The following STPG2 variants were observed in gnomAD, a reference collection of about 807,000 sequenced individuals.
STPG2 encodes the protein sperm-tail PG-rich repeat-containing protein 2.
STPG2 carries 56 observed loss-of-function variants against 54.2 expected under a neutral mutation model. The observed-to-expected ratio is 1.03, with a 90% CI of 0.83 to 1.29. STPG2 has a LOEUF of 1.29. Ranked by LOEUF, STPG2 falls within the 50% of genes most tolerant of loss-of-function variation. STPG2 has a pLI of 0.00. For synonymous variants in STPG2, 200 were observed against 181.8 expected, an observed-to-expected ratio of 1.10 and a Z score of -0.81; for missense variants, 596 against 544.9, an observed-to-expected ratio of 1.09 and a Z score of -0.93.
intron 9 of STPG2, among the ~76,000 whole-genome samples, chr4:97,787,046 G>A (rs1004040183): frequency 1.3e-5 from 2 of 152,006 alleles, no homozygotes; most frequent in East Asian, 1.9e-4. Context: ...ACTGTATTCC[G>A]ATGTTTTATT....
rs370133396 is a variant in STPG2, at chr4:97,445,664, C to A, written c.463-257831G>T. 1.4e-4 allele frequency among the ~76,000 whole-genome samples: 21 copies of A among 152,290 alleles called. 1 individual carries two copies. In the South Asian group the frequency reaches 2.3e-3, roughly 17 times the overall value. On this transcript the variant is annotated intron_variant, in intron 4 of 4. Transcript: ENST00000522676. ...CCAAGTGCCAAATAGTCACATGTGG[C>A]TAGTGGCTACCATCATGGACAGCAA...
chr4:97,725,162 T>G (rs140813216), intron 9 of STPG2, among the ~76,000 whole-genome samples: 119 of 152,180 alleles, frequency 7.8e-4, no homozygotes, highest in African/African-American at 2.7e-3. Context: ...GTTCTACTTA[T>G]TCATCCTAAA....
chr4:98,115,518 A>G (rs529758363), intron 3 of STPG2, among the ~76,000 whole-genome samples: 7 of 152,120 alleles, frequency 4.6e-5, no homozygotes, highest in Non-Finnish European at 8.8e-5. Flanking sequence ...AGAGTCTTAC[A>G]CAACTCTTAA....
intron 7 of STPG2, among the ~76,000 whole-genome samples, chr4:97,951,914 G>A (rs1290022991): frequency 6.6e-6 from 1 of 152,092 alleles, no homozygotes; most frequent in Non-Finnish European, 1.5e-5. Context: ...GACAGAGCTG[G>A]CTGGAGGTTG....
rs551703112 is a variant in STPG2, at chr4:97,456,011, A to C, written c.462+256688T>G. ...AATATTTTACATACAACAATATCAA[A>C]GGCATAGTCCATGAAAAAACAAACT... On this transcript the variant is annotated intron_variant, in intron 4 of 4. Coordinates refer to the STPG2 transcript ENST00000522676. 5.3e-5 allele frequency among the ~76,000 whole-genome samples: 8 copies of C among 152,348 alleles called. No individual in the cohort carries two copies. In the South Asian group the frequency reaches 1.7e-3, roughly 32 times the overall value.
intron 10 of STPG2, among the ~76,000 whole-genome samples, chr4:97,661,359 G>T (rs1364844340): frequency 6.6e-6 from 1 of 152,100 alleles, no homozygotes; most frequent in Non-Finnish European, 1.5e-5. Context: ...ATAAAATGAG[G>T]ATCCCAGTAT....
At chr4:98,023,439 C>T (rs1232461630) in intron 5 of STPG2, among the ~76,000 whole-genome samples, 2 of 152,212 alleles carry the variant, frequency 1.3e-5, no homozygotes, top group African/African-American at 4.8e-5. Flanking sequence ...TGTCAATCTG[C>T]CCCTACTGGG....
In STPG2 at chr4:97,542,506, T is replaced by G. The variant is rs374779048; in HGVS notation, c.462+170193A>C. Among the ~76,000 whole-genome samples the G allele has an allele frequency of 2.0e-5, 3 of 152,308 alleles. No homozygotes were observed. In the East Asian group the frequency reaches 5.8e-4, roughly 29 times the overall value. ...AGAGGATGTGGAGAAATAGGAACAC[T>G]TTTACACTGTTGGTGGGACTGTAAA... On this transcript the variant is annotated intron_variant, in intron 4 of 4. Transcript: ENST00000522676.
At chr4:97,729,063 T>TCTCTCTCTCTCTCTCTCTCTC (rs1724710920) in intron 9 of STPG2, among the ~76,000 whole-genome samples, 3 of 124,926 alleles carry the variant, frequency 2.4e-5, no homozygotes, top group Non-Finnish European at 1.7e-5. Flanking sequence ...CCCCAAGAAT[T>TCTCTCTCTCTCTCTCTCTCTC]TCTCTCTCTC....
intron 5 of STPG2, among the ~76,000 whole-genome samples, chr4:97,987,643 T>C (rs958677967): frequency 6.6e-6 from 1 of 152,276 alleles, no homozygotes. Context: ...GCTTCATACA[T>C]ACCTAAACTA....
chr4:97,960,820 T>A (rs1578734269), intron 7 of STPG2, among the ~76,000 whole-genome samples: 1 of 151,930 alleles, frequency 6.6e-6, no homozygotes, highest in Non-Finnish European at 1.5e-5. Flanking sequence ...AATACCATCA[T>A]CACCCTCACA....
At chr4:97,623,599 G>T (rs528520179) in intron 10 of STPG2, among the ~76,000 whole-genome samples, 7 of 151,980 alleles carry the variant, frequency 4.6e-5, no homozygotes, top group Admixed American at 4.6e-4. Context: ...AATAACCAGC[G>T]CTGGAGAGGT....
chr4:97,510,197 TATG>T (rs1730942954), intron 4 of STPG2, among the ~76,000 whole-genome samples: 1 of 152,122 alleles, frequency 6.6e-6, no homozygotes, highest in African/African-American at 2.4e-5. Context: ...ACTCCTTTGA[TATG>T]ATATGAAGAA....
chr4:97,607,970 G>A (rs539200314), intron 10 of STPG2, among the ~76,000 whole-genome samples: 6 of 151,960 alleles, frequency 3.9e-5, no homozygotes, highest in African/African-American at 9.7e-5. Context: ...TTCAATACAC[G>A]TGGGAACTAT....
At chr4:97,487,193 C>T (rs1273883645) in intron 4 of STPG2, among the ~76,000 whole-genome samples, 1 of 150,012 alleles carries the variant, frequency 6.7e-6, no homozygotes, top group Middle Eastern at 3.4e-3. Context: ...ACCCCAATAA[C>T]CTATGGAAAA....
chr4:98,082,656 G>T (rs576352576), intron 5 of STPG2, among the ~76,000 whole-genome samples: 1 of 151,484 alleles, frequency 6.6e-6, no homozygotes, highest in Admixed American at 6.6e-5. Flanking sequence ...GTTTCGCCAC[G>T]TTGGCCTGGA....
chr4:98,054,308 G>A (rs1737417530), intron 5 of STPG2, among the ~76,000 whole-genome samples: 1 of 152,046 alleles, frequency 6.6e-6, no homozygotes, highest in Admixed American at 6.6e-5. Flanking sequence ...GTTTAATTTT[G>A]CAATTTACAT....
chr4:97,649,145 C>A (rs1273616437), intron 10 of STPG2, among the ~76,000 whole-genome samples: 1 of 152,110 alleles, frequency 6.6e-6, no homozygotes, highest in African/African-American at 2.4e-5. Flanking sequence ...TGCTGATCTG[C>A]CAGGCATCCC....
intron 5 of STPG2, chr4:98,025,868 A>G: frequency 6.3e-7 from 1 of 1,598,478 alleles, no homozygotes; most frequent in South Asian, 1.1e-5. Context: ...AGTTTTTGGC[A>G]CCCTGAAGGG....
Sources: allele counts gnomAD v4.1 joint callset (sites outside exome capture counted in the v4.1 genomes callset), GRCh38; gene constraint gnomAD v4.1.1; transcripts MANE v1.5; gene names NCBI Gene and HGNC (gene_info 2026-07-23, HGNC 2026-07-21).